Variants in COG1 observed in about 807,000 individuals in gnomAD.
COG1 encodes conserved oligomeric Golgi complex subunit 1.
Under a neutral mutation model 102.2 loss-of-function variants are expected in COG1, and 61 were observed. That is an observed-to-expected ratio of 0.60 (90% confidence interval 0.49 to 0.74). The LOEUF (loss-of-function observed/expected upper bound fraction) is 0.74, where lower values mean the gene tolerates loss of function less well. Among genes scored for constraint, COG1 ranks in the 30% least tolerant of loss-of-function variants. The pLI is 0.00. For missense variants in COG1, 1,164 were observed against 1,232.1 expected (o/e 0.94, Z 0.83); for synonymous variants, 454 against 493.6 (o/e 0.92, Z 1.06).
At position 73,202,975 on chromosome 17, in the gene COG1, A is replaced by AG. The variant is rs768174692; in HGVS notation, c.2074-25_2074-24insG. On this transcript the variant is annotated intron_variant, in intron 7 of 13. Coordinates refer to ENST00000299886, the MANE Select transcript of COG1 (RefSeq NM_018714.3). ...TCTACAGAGGATCTGAGTGGCTTGT[A>AG]TGGATATCTGCCTTTTATTACCAGG... is the stretch of plus-strand genomic sequence containing the variant. 3.6e-5 allele frequency: 58 copies of AG among 1,612,950 alleles called. No individual in the cohort carries two copies. In the East Asian group the frequency reaches 1.3e-3, roughly 35 times the overall value.
chr17:73,202,479 C>T (rs1013809135), intron 7 of COG1, among the ~76,000 whole-genome samples: 1 of 151,744 alleles, frequency 6.6e-6, no homozygotes, highest in Non-Finnish European at 1.5e-5. Flanking sequence ...CAGTAGCCTC[C>T]ACTTGTACCT....
rs760854375 is a variant in COG1, at chr17:73,201,857, A to G, written c.2030A>G (p.Gln677Arg). 6.2e-7 allele frequency: 1 copy of G among 1,614,234 alleles called. No homozygotes were observed. Among genetic ancestry groups the G allele is most frequent in the Non-Finnish European group, 8.5e-7 (1 of 1,180,044 alleles). Reference protein sequence around the residue: ...WQEVKEVLLQQSVMGYQVWSS... With the variant: ...WQEVKEVLLQRSVMGYQVWSS... ...GAGGTTAAAGAAGTACTCCTCCAGC[A>G]GAGCGTGATGGGCTACCAGGTCTGG... The change falls in exon 7 of 14, where the codon CAG becomes CGG. Residue 677 changes from glutamine to arginine, a missense_variant. Transcript: ENST00000299886.
At chr17:73,197,500 G>C in intron 4 of COG1, 104 bp downstream of exon 4, 1 of 1,251,182 alleles carries the variant, frequency 8.0e-7, no homozygotes, top group Non-Finnish European at 1.1e-6. Flanking sequence ...GGATGGAGCA[G>C]TGAACTGGAC....
In COG1 at chr17:73,193,150, G is replaced by A; in HGVS notation, c.81G>A (p.Ala27=). ...CGGCTCTTTTCGAGACGCATGGAGC[G>A]GAGGAGATCCGCGGGCTGGAGCGCC... ...DPAALFETHG[A]EEIRGLERQV... Residue 27 remains alanine (A), a synonymous_variant, in exon 1 of 14, where the codon GCG becomes GCA. Transcript: ENST00000299886. The A allele has an allele frequency of 1.9e-6, 3 of 1,609,706 alleles. No homozygotes were observed. The highest frequency in any genetic ancestry group is 2.2e-5 in the South Asian group (2 of 90,356).
intron 6 of COG1, 144 bp from the exon 7 acceptor site, chr17:73,200,965 T>C (rs1226486228): frequency 1.6e-5 from 15 of 919,868 alleles, no homozygotes; most frequent in Non-Finnish European, 2.6e-5. Context: ...TCATCAATAA[T>C]GGCTTTATTC....
At position 73,201,687 on chromosome 17, in the gene COG1, C is replaced by A. The variant is rs1230815971; in HGVS notation, c.1860C>A (p.Ser620=). ...SVLFMARLCQ[S]LGELCPHLKQ... ...TTTTCATGGCCAGACTCTGCCAGTC[C>A]CTGGGAGAGCTGTGCCCCCATCTGA... Residue 620 remains serine (S), a synonymous_variant, in exon 7 of 14, where the codon TCC becomes TCA. Coordinates refer to ENST00000299886, the MANE Select transcript of COG1 (RefSeq NM_018714.3). The A allele has an allele frequency of 6.2e-7, 1 of 1,614,080 alleles. No homozygotes were observed. Among genetic ancestry groups the A allele is most frequent in the Non-Finnish European group, 8.5e-7 (1 of 1,180,044 alleles).
In COG1 at chr17:73,203,574, C is replaced by G; in HGVS notation, c.2221-58C>G. 4 of 1,599,574 alleles carry G rather than the reference C, an allele frequency of 2.5e-6. No individual in the cohort carries two copies. The East Asian group carries it at 8.9e-5, about 36-fold the overall frequency. On this transcript the variant is annotated intron_variant, in intron 8 of 13. Transcript: ENST00000299886. ...TTGTAAGATTAAGTGGATTCACTTT[C>G]ACTGTGTGTCATTTAATTGGTGCAA... is the stretch of plus-strand genomic sequence containing the variant.
chr17:73,201,675 A>T lies in COG1; in HGVS notation c.1848A>T (p.Arg616Ser). ...TGCACTCAGTTCTTTTCATGGCCAG[A>T]CTCTGCCAGTCCCTGGGAGAGCTGT... ...AKLHSVLFMA[R>S]LCQSLGELCP... The change falls in exon 7 of 14, where the codon AGA (arginine) becomes AGT (serine). Residue 616 changes from arginine to serine, a missense_variant. By Grantham distance (110) the Arg-to-Ser change is moderately radical (BLOSUM62 -1). Coordinates refer to ENST00000299886, the MANE Select transcript of COG1 (RefSeq NM_018714.3). 6.2e-7 allele frequency: 1 copy of T among 1,614,082 alleles called. No individual in the cohort carries two copies. Among genetic ancestry groups the T allele is most frequent in the South Asian group, 1.1e-5 (1 of 91,084 alleles).
intron 1 of COG1, among the ~76,000 whole-genome samples, chr17:73,195,237 A>G (rs2061320859): frequency 6.6e-6 from 1 of 152,264 alleles, no homozygotes; most frequent in Non-Finnish European, 1.5e-5. Context: ...ACAAAGAAAC[A>G]GAAGTCCCCC....
In COG1 at chr17:73,201,606, AGAG is replaced by A. The variant is rs1466026344; in HGVS notation, c.1781_1783del (p.Glu594del). On this transcript the variant is annotated inframe_deletion, in exon 7 of 14. Transcript: ENST00000299886. Reference sequence around the variant, plus strand: ...TCCGGGCAGAGCTACAGAGCATTGAAGAGGGTGTGCAAGGGCAACAGGATGCCC... The same window carrying A: ...TCCGGGCAGAGCTACAGAGCATTGAAGGTGTGCAAGGGCAACAGGATGCCC... 3.7e-6 allele frequency: 6 copies of A among 1,614,100 alleles called. No individual in the cohort carries two copies. Among genetic ancestry groups the A allele is most frequent in the Admixed American group, 1.7e-5 (1 of 60,002 alleles).
chr17:73,200,424 G>C (rs1027199921), intron 5 of COG1, 142 bp from the exon 6 acceptor site: 2 of 879,564 alleles, frequency 2.3e-6, no homozygotes, highest in East Asian at 2.4e-5. Context: ...TGTTGCTACA[G>C]GTCTATCAAC....
rs1281715551 is a variant in COG1, at chr17:73,193,336, C to T, written c.267C>T (p.Arg89=). 1.3e-6 allele frequency: 2 copies of T among 1,534,070 alleles called. No homozygotes were observed. Among genetic ancestry groups the T allele is most frequent in the Non-Finnish European group, 8.7e-7 (1 of 1,143,074 alleles). The stretch of plus-strand genomic sequence containing the variant: ...AGGCCACCGACCAGTACTGCGCCCG[C>T]CTCCGCCAGGCCGGCTCGGCCGCGC... ...AVKATDQYCA[R]LRQAGSAAPR... The change falls in exon 1 of 14, where the codon CGC becomes CGT. Residue 89 remains arginine, a synonymous_variant. Transcript: ENST00000299886.
At chr17:73,201,968 A>G (rs2061348876) in intron 7 of COG1, 68 bp downstream of exon 7, 2 of 1,415,594 alleles carry the variant, frequency 1.4e-6, no homozygotes, top group Middle Eastern at 1.8e-4. Context: ...GCCAACCTCA[A>G]TCAGTTCCTT....
chr17:73,202,847 A>G (rs140874351), intron 7 of COG1, 153 bp from the exon 8 acceptor site: 31 of 807,848 alleles, frequency 3.8e-5, no homozygotes, highest in Non-Finnish European at 5.3e-5. Context: ...CCCATGGCTG[A>G]TATCATTGAT....
chr17:73,206,341 T>TA (rs2061372101), intron 11 of COG1, 79 bp downstream of exon 11: 6 of 1,095,218 alleles, frequency 5.5e-6, no homozygotes, highest in Non-Finnish European at 8.5e-6. Context: ...CTCAAGCACG[T>TA]AATACTCCAG....
Position 73,203,640 on chromosome 17 carries a change from G to T in COG1, c.2229G>T (p.Trp743Cys). The T allele has an allele frequency of 6.2e-7, 1 of 1,614,214 alleles. No individual in the cohort carries two copies. Among genetic ancestry groups the T allele is most frequent in the Non-Finnish European group, 8.5e-7 (1 of 1,180,048 alleles). ...SKIRLPAQPS[W>C]YVQSFLFSLC... ...TTTCTTTGTTCTTTTAGCCGTCCTG[G>T]TATGTACAGTCCTTCCTGTTTAGTT... Residue 743 changes from tryptophan to cysteine, a missense_variant, in exon 9 of 14, where the codon TGG becomes TGT. Coordinates refer to ENST00000299886, the MANE Select transcript of COG1 (RefSeq NM_018714.3).
At chr17:73,196,362 C>T in intron 1 of COG1, 145 bp from the exon 2 acceptor site, 1 of 1,194,648 alleles carries the variant, frequency 8.4e-7, no homozygotes, top group South Asian at 1.2e-5. Context: ...CTACACTGGG[C>T]TTTGATGACT....
rs369505856 is a variant in COG1 at position 73,199,918 on chromosome 17, C to T, written c.967C>T (p.His323Tyr). 61 of 1,614,098 alleles carry T rather than the reference C, an allele frequency of 3.8e-5. No individual in the cohort carries two copies. The highest frequency in any genetic ancestry group is 1.6e-4 in the Middle Eastern group (1 of 6,082). ...GATGAAACTCTGCAGCTGGTTTAAA[C>T]ACCTGCCAGCATCCATCGTCGAGTT... ...EEMKLCSWFK[H>Y]LPASIVEFQP... Residue 323 changes from histidine to tyrosine, a missense_variant, in exon 5 of 14, where the codon CAC becomes TAC. Transcript: ENST00000299886.
intron 12 of COG1, 159 bp from the exon 13 acceptor site, chr17:73,207,022 G>A (rs2061377865): frequency 4.1e-6 from 3 of 724,186 alleles, no homozygotes; most frequent in Non-Finnish European, 6.9e-6. Flanking sequence ...GAACCCAGGA[G>A]GCGGAGCTTG....
Sources: gnomAD v4.1 joint callset for allele counts (sites outside exome capture counted in the v4.1 genomes callset) on GRCh38, gnomAD v4.1.1 for gene constraint, MANE v1.5 for transcripts, NCBI Gene and HGNC (gene_info 2026-07-23, HGNC 2026-07-21) for gene names.